The following PDE5A variants were observed in gnomAD, a reference collection of about 807,000 sequenced individuals.
PDE5A encodes the protein phosphodiesterase 5A, also known as cGMP-specific 3',5'-cyclic phosphodiesterase.
In PDE5A, 67 loss-of-function variants were observed where a neutral mutation model predicts 110.2. The ratio of observed to expected loss-of-function variants is 0.61; its 90% confidence interval spans 0.50 to 0.75. The LOEUF (loss-of-function observed/expected upper bound fraction) is 0.75, where lower values mean the gene tolerates loss of function less well. Ranked by LOEUF, PDE5A falls within the 30% of genes least tolerant of loss-of-function variation. PDE5A has a pLI of 0.00. For synonymous variants in PDE5A, 328 were observed against 351.2 expected, an observed-to-expected ratio of 0.93 and a Z score of 0.74; for missense variants, 862 against 1,045.1, an observed-to-expected ratio of 0.82 and a Z score of 2.42.
Position 119,502,598 on chromosome 4 carries a change from G to A in PDE5A, c.2389C>T (p.Leu797Phe). The change falls in exon 19 of 21, where the codon CTC becomes TTC. Residue 797 changes from leucine to phenylalanine, a missense_variant. Coordinates refer to ENST00000354960, the MANE Select transcript of PDE5A (RefSeq NM_001083.4). ...ATACTTACAGTGGGTTCTATGTTGAGTTCTTTTCTCTCTCTGTCTCCTTGA... is the reference window on the plus strand; with the variant it reads ...ATACTTACAGTGGGTTCTATGTTGAATTCTTTTCTCTCTCTGTCTCCTTGA... ...FDQGDRERKE[L>F]NIEPTDLMNR... is the part of the protein sequence containing the mutation. The A allele has an allele frequency of 1.2e-6, 2 of 1,602,598 alleles. No individual in the cohort carries two copies. Among genetic ancestry groups the A allele is most frequent in the South Asian group, 2.2e-5 (2 of 90,788 alleles).
At chr4:119,608,917 T>C (rs1448489430) in intron 1 of PDE5A, among the ~76,000 whole-genome samples, 1 of 152,098 alleles carries the variant, frequency 6.6e-6, no homozygotes, top group East Asian at 1.9e-4. Flanking sequence ...ATCCCAGCAC[T>C]TTGGGAGGCC....
chr4:119,556,858 G>C (rs905005212), intron 7 of PDE5A, among the ~76,000 whole-genome samples: 1 of 152,208 alleles, frequency 6.6e-6, no homozygotes, highest in Non-Finnish European at 1.5e-5. Flanking sequence ...AATAGTTACA[G>C]ATTGTCAAGA....
intron 1 of PDE5A, among the ~76,000 whole-genome samples, chr4:119,624,809 C>T (rs999543598): frequency 2.0e-5 from 3 of 152,152 alleles, no homozygotes; most frequent in Middle Eastern, 3.2e-3. Context: ...AAAAGGCATA[C>T]GCATTAAAGC....
chr4:119,583,683 A>C (rs777541207), intron 3 of PDE5A, among the ~76,000 whole-genome samples: 3 of 152,212 alleles, frequency 2.0e-5, no homozygotes, highest in Non-Finnish European at 2.9e-5. Context: ...TAATTATAAT[A>C]CTGTTGTCTC....
At chr4:119,592,150 CAAAAAAA>C (rs70944895) in intron 3 of PDE5A, among the ~76,000 whole-genome samples, 3 of 15,752 alleles carry the variant, frequency 1.9e-4, no homozygotes, top group African/African-American at 5.2e-4. Context: ...GACTCTGTCT[CAAAAAAA>C]AAAAAAAAAA....
intron 3 of PDE5A, among the ~76,000 whole-genome samples, chr4:119,577,255 G>A (rs1394912785): frequency 2.6e-5 from 4 of 152,114 alleles, no homozygotes; most frequent in Non-Finnish European, 2.9e-5. Context: ...TCTACCAGAG[G>A]TACAAGGAGG....
Position 119,566,997 on chromosome 4 carries a change from T to A in PDE5A, c.903+76A>T, listed in dbSNP as rs558187492. On this transcript the variant is annotated intron_variant, in intron 4 of 20. Transcript: ENST00000354960. ...TGTGACCAACAATTTCAGCAACAGC[T>A]AAACCTAGAGGTGTATATACTATAA... The A allele has an allele frequency of 1.9e-5, 19 of 977,584 alleles. No individual in the cohort carries two copies. The South Asian group carries it at 2.4e-4, about 12-fold the overall frequency. The allele number at this position is 977,584 out of a possible 1,614,324, so 60.6% of individuals were successfully genotyped here. A position where few individuals can be genotyped will look rare whatever the true frequency, so the allele number is the denominator to read the frequency against.
In PDE5A at chr4:119,606,740, C is replaced by A; in HGVS notation, c.710G>T (p.Gly237Val). Residue 237 changes from glycine (G) to valine (V), a missense_variant, in exon 2 of 21, where the codon GGT becomes GTT. Gly to Val is a moderately radical substitution (Grantham distance 109). Transcript: ENST00000354960. ...KGIVGHVAAL[G>V]EPLNIKDAYE... ...TGCATCTTTGATGTTCAAGGGCTCA[C>A]CAAGCGCTGCCACATGTCCCACAAT... 1 of 1,614,110 alleles carries A rather than the reference C, an allele frequency of 6.2e-7. No homozygotes were observed. Among genetic ancestry groups the A allele is most frequent in the Non-Finnish European group, 8.5e-7 (1 of 1,179,986 alleles).
At chr4:119,612,589 C>T (rs1729795598) in intron 1 of PDE5A, among the ~76,000 whole-genome samples, 1 of 152,134 alleles carries the variant, frequency 6.6e-6, no homozygotes, top group African/African-American at 2.4e-5. Context: ...TATAAATTAC[C>T]CAGCCTTGGG....
intron 7 of PDE5A, 31 bp from the exon 8 acceptor site, chr4:119,553,777 G>A (rs778167560): frequency 8.9e-7 from 1 of 1,119,728 alleles, no homozygotes; most frequent in South Asian, 1.3e-5. Flanking sequence ...AGTTCCCTCT[G>A]TGCAGTTAAA....
chr4:119,579,482 A>G (rs1272164653), intron 3 of PDE5A, among the ~76,000 whole-genome samples: 3 of 152,106 alleles, frequency 2.0e-5, no homozygotes, highest in Non-Finnish European at 4.4e-5. Flanking sequence ...AATGTGGCAC[A>G]TATACACCAT....
chr4:119,609,978 T>C (rs1028550632), intron 1 of PDE5A, among the ~76,000 whole-genome samples: 1 of 152,232 alleles, frequency 6.6e-6, no homozygotes, highest in Non-Finnish European at 1.5e-5. Context: ...ATGAATTGAC[T>C]GACTTTCTAA....
Position 119,627,408 on chromosome 4 carries a change from C to G in PDE5A, c.152+1112G>C. The G allele has an allele frequency of 3.3e-6, 2 of 604,250 alleles. No homozygotes were observed. The highest frequency in any genetic ancestry group is 4.2e-6 in the Non-Finnish European group (2 of 481,026). The allele number at this position is 604,250 out of a possible 1,614,324, so 37.4% of individuals were successfully genotyped here. ...CGGCCGCGCGCCGGCGAGTGGGACCCGGGCGTCGAACCCGGGCGGGCTCCT... is the reference window on the plus strand; with the variant it reads ...CGGCCGCGCGCCGGCGAGTGGGACCGGGGCGTCGAACCCGGGCGGGCTCCT... On this transcript the variant is annotated intron_variant, in intron 1 of 20. Coordinates refer to ENST00000354960, the MANE Select transcript of PDE5A (RefSeq NM_001083.4). This position sits in a 1 kb window ranked among gnomAD's most constrained non-coding sequence, Gnocchi z 4.6.
rs544244559 is a variant in PDE5A at position 119,553,489 on chromosome 4, TTTTATTC to T, written c.1308+142_1308+148del. On this transcript the variant is annotated intron_variant, in intron 8 of 20. Coordinates refer to ENST00000354960, the MANE Select transcript of PDE5A (RefSeq NM_001083.4). ...AGCTCTCAATAGATGTTATGATCTA[TTTTATTC>T]TCCTTCCTCAGATGAGGGAAAGCAC... The T allele has an allele frequency of 5.1e-4, 327 of 636,024 alleles. No homozygotes were observed. In the African/African-American group the frequency reaches 5.5e-3, roughly 11 times the overall value. The allele number at this position is 636,024 out of a possible 1,614,324, so 39.4% of individuals were successfully genotyped here.
chr4:119,605,598 G>A (rs1729496835), intron 2 of PDE5A, among the ~76,000 whole-genome samples: 1 of 151,874 alleles, frequency 6.6e-6, no homozygotes, highest in Non-Finnish European at 1.5e-5. Context: ...AGTGAGTCGA[G>A]ATCGCGTTAC....
intron 7 of PDE5A, among the ~76,000 whole-genome samples, chr4:119,555,009 TC>T (rs1727488928): frequency 6.6e-6 from 1 of 152,232 alleles, no homozygotes; most frequent in South Asian, 2.1e-4. Flanking sequence ...TTTCCAAAGT[TC>T]CAATGTTTTG....
intron 9 of PDE5A, among the ~76,000 whole-genome samples, chr4:119,548,044 A>ATTTTTTTTTTTTTTTTT (rs11438089): frequency 1.1e-5 from 1 of 94,802 alleles, no homozygotes; most frequent in Non-Finnish European, 1.9e-5. Flanking sequence ...TTCTCCGTGT[A>ATTTTTTTTTTTTTTTTT]TTTTTTTTTT....
At chr4:119,622,215 C>G (rs760007364) in intron 1 of PDE5A, among the ~76,000 whole-genome samples, 7 of 151,746 alleles carry the variant, frequency 4.6e-5, no homozygotes, top group Non-Finnish European at 7.4e-5. Context: ...TATATGATCC[C>G]TACTAACTCT....
intron 11 of PDE5A, among the ~76,000 whole-genome samples, chr4:119,532,545 C>T (rs1018416391): frequency 3.3e-5 from 5 of 151,744 alleles, no homozygotes; most frequent in African/African-American, 1.2e-4. Flanking sequence ...TACTTGTGTC[C>T]CTTTTACACA....
Sources: gnomAD v4.1 joint callset for allele counts (sites outside exome capture counted in the v4.1 genomes callset) on GRCh38, gnomAD v4.1.1 for gene constraint, Gnocchi (gnomAD v3.1) non-coding constraint, MANE v1.5 for transcripts, NCBI Gene and HGNC (gene_info 2026-07-23, HGNC 2026-07-21) for gene names.